The following ZNF277 variants were observed in gnomAD, a reference collection of about 807,000 sequenced individuals.
The protein encoded by ZNF277 is zinc finger protein 277.
A neutral mutation model predicts 60.7 loss-of-function variants in ZNF277; 55 were observed. The observed-to-expected ratio is 0.91, with a 90% CI of 0.73 to 1.13. The LOEUF is 1.13. ZNF277 is among the 50% of genes most tolerant of loss of function. The pLI is 0.00. For missense variants in ZNF277, 510 were observed against 523.0 expected, an observed-to-expected ratio of 0.98 and a Z score of 0.24; for synonymous variants, 178 against 179.3, an observed-to-expected ratio of 0.99 and a Z score of 0.06.
chr7:112,284,257 G>A (rs1314699673), intron 1 of ZNF277, among the ~76,000 whole-genome samples: 1 of 152,126 alleles, frequency 6.6e-6, no homozygotes, highest in African/African-American at 2.4e-5. Context: ...AATACCATAG[G>A]CTTGTTTTCA....
At chr7:112,284,867 TC>T (rs937529421) in intron 1 of ZNF277, among the ~76,000 whole-genome samples, 2 of 152,088 alleles carry the variant, frequency 1.3e-5, no homozygotes, top group Non-Finnish European at 2.9e-5. Flanking sequence ...CTGTACATTC[TC>T]CATTTCTTTA....
intron 1 of ZNF277, 91 bp downstream of exon 1, chr7:112,206,898 C>CT: frequency 1.5e-6 from 2 of 1,333,810 alleles, no homozygotes; most frequent in Non-Finnish European, 2.1e-6. Flanking sequence ...CCTAGGAGCC[C>CT]TTCAGCTCTG....
intron 1 of ZNF277, among the ~76,000 whole-genome samples, chr7:112,275,433 A>G (rs920642022): frequency 3.9e-5 from 6 of 152,322 alleles, no homozygotes; most frequent in Non-Finnish European, 7.3e-5. Flanking sequence ...AACATATAGT[A>G]TGGTCCTTCA....
At chr7:112,301,295 G>A (rs979202054) in intron 4 of ZNF277, among the ~76,000 whole-genome samples, 16 of 152,052 alleles carry the variant, frequency 1.1e-4, no homozygotes, top group Non-Finnish European at 1.5e-4. Context: ...AAGCCATTGC[G>A]CCTGGCCCTA....
intron 5 of ZNF277, among the ~76,000 whole-genome samples, chr7:112,319,992 T>C (rs1792940289): frequency 6.6e-6 from 1 of 152,080 alleles, no homozygotes; most frequent in South Asian, 2.1e-4. Flanking sequence ...TATGTTGAGG[T>C]AATTATTGAC....
At chr7:112,274,184 G>A (rs1791742671) in intron 1 of ZNF277, among the ~76,000 whole-genome samples, 1 of 151,800 alleles carries the variant, frequency 6.6e-6, no homozygotes, top group African/African-American at 2.4e-5. Context: ...TTGAGATAGG[G>A]TTTTGCTCTG....
intron 1 of ZNF277, among the ~76,000 whole-genome samples, chr7:112,281,537 T>G (rs1400806798): frequency 6.6e-6 from 1 of 152,226 alleles, no homozygotes; most frequent in Non-Finnish European, 1.5e-5. Context: ...TATCTTAGAA[T>G]TCAATGTAAT....
intron 1 of ZNF277, among the ~76,000 whole-genome samples, chr7:112,278,739 A>G (rs1791875033): frequency 6.6e-6 from 1 of 152,102 alleles, no homozygotes; most frequent in Non-Finnish European, 1.5e-5. Flanking sequence ...CATTTTTTAA[A>G]ATTATGGTTA....
At chr7:112,325,225 C>G (rs1793068300) in intron 5 of ZNF277, among the ~76,000 whole-genome samples, 1 of 152,192 alleles carries the variant, frequency 6.6e-6, no homozygotes, top group South Asian at 2.1e-4. Context: ...GGCTTGGAAT[C>G]CTGGGTAGTC....
At chr7:112,295,979 C>T (rs759783878) in intron 3 of ZNF277, 22 bp downstream of exon 3, 3 of 1,519,682 alleles carry the variant, frequency 2.0e-6, no homozygotes, top group African/African-American at 1.4e-5. Context: ...TCTTGGCTAC[C>T]ATCTTTTCCC....
At chr7:112,334,560 G>A (rs1793293983) in intron 7 of ZNF277, among the ~76,000 whole-genome samples, 1 of 152,008 alleles carries the variant, frequency 6.6e-6, no homozygotes, top group Admixed American at 6.6e-5. Context: ...CCTCTCAAGT[G>A]GGGTAAGTGG....
intron 7 of ZNF277, among the ~76,000 whole-genome samples, chr7:112,333,207 A>C (rs1188688997): frequency 6.6e-6 from 1 of 152,088 alleles, no homozygotes; most frequent in Non-Finnish European, 1.5e-5. Flanking sequence ...AAAGGCTGAC[A>C]TGAGTGCATG....
At chr7:112,261,975 A>G (rs1791446574) in intron 1 of ZNF277, among the ~76,000 whole-genome samples, 1 of 152,110 alleles carries the variant, frequency 6.6e-6, no homozygotes, top group Admixed American at 6.6e-5. Context: ...AAAGGTTTAG[A>G]GTATTATCTT....
intron 2 of ZNF277, among the ~76,000 whole-genome samples, chr7:112,289,357 G>A: frequency 6.6e-6 from 1 of 151,974 alleles, no homozygotes; most frequent in Admixed American, 6.6e-5. Flanking sequence ...GCCTTATATC[G>A]ACTCAGCACT....
chr7:112,249,090 G>A (rs1791144078), intron 1 of ZNF277, among the ~76,000 whole-genome samples: 1 of 152,066 alleles, frequency 6.6e-6, no homozygotes, highest in Non-Finnish European at 1.5e-5. Context: ...TCACTCATGG[G>A]TAATACTAGT....
At chr7:112,322,123 A>G (rs1276130767) in intron 5 of ZNF277, among the ~76,000 whole-genome samples, 3 of 151,882 alleles carry the variant, frequency 2.0e-5, no homozygotes, top group Non-Finnish European at 4.4e-5. Context: ...GTGTTTAGTG[A>G]TTTTCTTGGA....
chr7:112,292,494 C>T lies in ZNF277; in HGVS notation c.294-3375C>T, dbSNP rs189578612. On this transcript the variant is annotated intron_variant, in intron 2 of 11. Transcript: ENST00000361822. Reference sequence around the variant, plus strand: ...CTTCTGGTTCTGCCTTGTCAAAAAGCATTCTATGTGACCTCATTGGTCTCT... The same window carrying T: ...CTTCTGGTTCTGCCTTGTCAAAAAGTATTCTATGTGACCTCATTGGTCTCT... Among the ~76,000 whole-genome samples the T allele has an allele frequency of 3.9e-5, 6 of 152,274 alleles. No homozygotes were observed. In the East Asian group the frequency reaches 1.2e-3, roughly 29 times the overall value.
intron 1 of ZNF277, among the ~76,000 whole-genome samples, chr7:112,257,120 A>G (rs1198005748): frequency 1.3e-5 from 2 of 152,240 alleles, no homozygotes; most frequent in Non-Finnish European, 2.9e-5. Context: ...AACATTGTGT[A>G]TTGATGACCA....
chr7:112,216,961 C>T (rs1821901323), intron 1 of ZNF277, among the ~76,000 whole-genome samples: 1 of 152,156 alleles, frequency 6.6e-6, no homozygotes, highest in South Asian at 2.1e-4. Context: ...CTCTCCTTTC[C>T]ATTTGTAATA....
Sources: allele counts gnomAD v4.1 joint callset (sites outside exome capture counted in the v4.1 genomes callset), GRCh38; gene constraint gnomAD v4.1.1; transcripts MANE v1.5; gene names NCBI Gene and HGNC (gene_info 2026-07-23, HGNC 2026-07-21).